The following FSTL5 variants were observed in gnomAD, a reference collection of about 807,000 sequenced individuals.
FSTL5 encodes the protein follistatin like 5, also known as follistatin-related protein 5.
In FSTL5, 62 loss-of-function variants were observed where a neutral mutation model predicts 89.1. The ratio of observed to expected loss-of-function variants is 0.70; its 90% CI spans 0.57 to 0.86. FSTL5 has a LOEUF of 0.86. Among genes scored for constraint, FSTL5 ranks in the 40% least tolerant of loss-of-function variants. The pLI is 0.00. For missense variants in FSTL5, 1,057 were observed against 1,001.6 expected (o/e 1.06, Z -0.75); for synonymous variants, 383 against 346.2 (o/e 1.11, Z -1.18).
At chr4:161,429,622 A>G (rs1285148287) in intron 15 of FSTL5, among the ~76,000 whole-genome samples, 1 of 152,208 alleles carries the variant, frequency 6.6e-6, no homozygotes. Flanking sequence ...TAACTTTCTG[A>G]GTCTGCAGGA....
At chr4:161,429,785 T>C (rs1291424474) in intron 15 of FSTL5, among the ~76,000 whole-genome samples, 2 of 152,088 alleles carry the variant, frequency 1.3e-5, no homozygotes, top group East Asian at 1.9e-4. Context: ...AACTACAATA[T>C]ATATAAAACT....
intron 3 of FSTL5, among the ~76,000 whole-genome samples, chr4:161,992,945 T>TAC (rs1324578087): frequency 0.14 from 747 of 5,464 alleles, 15 homozygotes; most frequent in Non-Finnish European, 0.23. Flanking sequence ...TATATATGTG[T>TAC]GTATATCTAT....
chr4:161,491,464 T>G lies in FSTL5; in HGVS notation c.1458+8552A>C, dbSNP rs185490391. ...ATCTCATTCTCCTTTGCTCCTATCATAAGGAGCTAATTTTTCACTTTAAAA... is the reference window on the plus strand; with the variant it reads ...ATCTCATTCTCCTTTGCTCCTATCAGAAGGAGCTAATTTTTCACTTTAAAA... On this transcript the variant is annotated intron_variant, in intron 12 of 15. Coordinates refer to ENST00000306100, the MANE Select transcript of FSTL5 (RefSeq NM_020116.5). 2.1e-3 allele frequency among the ~76,000 whole-genome samples: 326 copies of G among 151,944 alleles called. 1 individual carries two copies. Among genetic ancestry groups the G allele is most frequent in the African/African-American group, 7.7e-3 (320 of 41,414 alleles).
chr4:161,747,550 T>G (rs1466131858), intron 6 of FSTL5, among the ~76,000 whole-genome samples: 1 of 152,210 alleles, frequency 6.6e-6, no homozygotes. Flanking sequence ...GCATATCCTC[T>G]CAATGTGATT....
Position 161,470,430 on chromosome 4 carries a change from C to G in FSTL5, c.1608+10590G>C, listed in dbSNP as rs116176942. Among the ~76,000 whole-genome samples the G allele has an allele frequency of 3.4e-3, 518 of 152,162 alleles. 3 individuals carry two copies. Among genetic ancestry groups the G allele is most frequent in the African/African-American group, 0.011 (470 of 41,520 alleles). On this transcript the variant is annotated intron_variant, in intron 13 of 15. Transcript: ENST00000306100. ...ATGTTTATTTATGAACTTTCTATTC[C>G]ATTCTATTATTCTGTATACCTGTCT...
chr4:162,118,139 G>A (rs2111425224), intron 1 of FSTL5, among the ~76,000 whole-genome samples: 2 of 152,248 alleles, frequency 1.3e-5, no homozygotes, highest in Admixed American at 1.3e-4. Context: ...ACATCCATCA[G>A]GCAAGTTTGT....
intron 3 of FSTL5, among the ~76,000 whole-genome samples, chr4:161,924,083 A>G (rs968849850): frequency 6.6e-6 from 1 of 151,760 alleles, no homozygotes; most frequent in African/African-American, 2.4e-5. Context: ...AAGTACATTC[A>G]GTCAGATAAC....
intron 4 of FSTL5, among the ~76,000 whole-genome samples, chr4:161,809,170 G>A (rs1730065882): frequency 6.6e-6 from 1 of 152,200 alleles, no homozygotes; most frequent in Non-Finnish European, 1.5e-5. Context: ...AGTGAGCCAT[G>A]ATGGCGCCAC....
chr4:161,924,461 T>C (rs1360200764), intron 3 of FSTL5, among the ~76,000 whole-genome samples: 2 of 151,578 alleles, frequency 1.3e-5, no homozygotes, highest in African/African-American at 2.4e-5. Context: ...TTTAATAATA[T>C]ACAATTATTT....
chr4:161,592,894 G>A (rs1733877182), intron 7 of FSTL5, among the ~76,000 whole-genome samples: 1 of 152,172 alleles, frequency 6.6e-6, no homozygotes, highest in Non-Finnish European at 1.5e-5. Flanking sequence ...CACCAACACT[G>A]TAAAAGCATT....
intron 1 of FSTL5, among the ~76,000 whole-genome samples, chr4:162,116,313 G>C (rs1731633985): frequency 6.6e-6 from 1 of 152,192 alleles, no homozygotes; most frequent in Non-Finnish European, 1.5e-5. Context: ...CTGAAGTAAC[G>C]TGTGCCAAGG....
At chr4:161,934,376 A>T in intron 3 of FSTL5, among the ~76,000 whole-genome samples, 1 of 152,116 alleles carries the variant, frequency 6.6e-6, no homozygotes, top group Non-Finnish European at 1.5e-5. Flanking sequence ...ACATGAGTTA[A>T]TGTGATAGAA....
Position 161,697,619 on chromosome 4 carries a change from C to T in FSTL5, c.728-41125G>A, listed in dbSNP as rs557978290. Among the ~76,000 whole-genome samples the T allele has an allele frequency of 4.6e-4, 70 of 152,006 alleles. 1 individual carries two copies. The highest frequency in any genetic ancestry group is 3.4e-3 in the Middle Eastern group (1 of 292). ...ATCCACGTAAGTGCCGGCCAATGGA[C>T]GAATTAATAAAGAAATTGTGGTATC... On this transcript the variant is annotated intron_variant, in intron 6 of 15. Transcript: ENST00000306100.
chr4:161,495,450 T>A (rs1730034095), intron 12 of FSTL5: 1 of 152,088 alleles, frequency 6.6e-6, no homozygotes. Context: ...AAGTTCATAC[T>A]CCAGGTGACA....
chr4:161,741,329 G>A (rs529028825), intron 6 of FSTL5, among the ~76,000 whole-genome samples: 1 of 152,244 alleles, frequency 6.6e-6, no homozygotes, highest in African/African-American at 2.4e-5. Flanking sequence ...ACAAGTGAAA[G>A]AGGGCAGCAG....
chr4:161,885,965 G>A (rs1732794232), intron 4 of FSTL5, among the ~76,000 whole-genome samples: 5 of 152,022 alleles, frequency 3.3e-5, no homozygotes, highest in Admixed American at 3.3e-4. Context: ...AGACTTAACT[G>A]ACAGCAGACT....
At chr4:161,965,382 C>A (rs1276026263) in intron 3 of FSTL5, among the ~76,000 whole-genome samples, 1 of 151,978 alleles carries the variant, frequency 6.6e-6, no homozygotes, top group Non-Finnish European at 1.5e-5. Context: ...GGTGTCTTCC[C>A]CTTGGAAAAG....
chr4:162,083,656 C>A (rs1730190975), intron 2 of FSTL5, among the ~76,000 whole-genome samples: 1 of 151,646 alleles, frequency 6.6e-6, no homozygotes, highest in Non-Finnish European at 1.5e-5. Context: ...GTTACTAAAT[C>A]TAGGGACTTC....
intron 7 of FSTL5, among the ~76,000 whole-genome samples, chr4:161,650,575 C>T (rs1027949219): frequency 2.6e-5 from 4 of 151,960 alleles, no homozygotes; most frequent in Non-Finnish European, 5.9e-5. Context: ...CATTTGGTAT[C>T]GAACATGATC....
Sources: gnomAD v4.1 joint callset for allele counts (sites outside exome capture counted in the v4.1 genomes callset) on GRCh38, gnomAD v4.1.1 for gene constraint, MANE v1.5 for transcripts, NCBI Gene and HGNC (gene_info 2026-07-23, HGNC 2026-07-21) for gene names.